The following NBEAL1 variants were observed in gnomAD, a reference collection of about 807,000 sequenced individuals.
The protein encoded by NBEAL1 is neurobeachin-like protein 1.
In NBEAL1, 273 loss-of-function variants were observed where a neutral mutation model predicts 351.3. The observed-to-expected ratio is 0.78, with a 90% confidence interval of 0.70 to 0.86. The LOEUF is 0.86. Among genes scored for constraint, NBEAL1 ranks in the 40% least tolerant of loss-of-function variants. The pLI is 0.00. For synonymous variants in NBEAL1, 1,050 were observed against 1,086.4 expected (o/e 0.97, Z 0.66); for missense variants, 2,961 against 3,201.3 (o/e 0.92, Z 1.81).
intron 6 of NBEAL1, among the ~76,000 whole-genome samples, chr2:203,064,555 C>G (rs886752106): frequency 6.6e-6 from 1 of 152,084 alleles, no homozygotes; most frequent in Non-Finnish European, 1.5e-5. Context: ...ATGTGTTATT[C>G]CAGCCAAGCA....
intron 55 of NBEAL1, 133 bp from the exon 56 acceptor site, chr2:203,217,120 G>A: frequency 3.4e-6 from 2 of 587,622 alleles, no homozygotes; most frequent in East Asian, 7.0e-5. Context: ...CTCTATTATT[G>A]ATAACCTTTA....
At chr2:203,203,578 G>A (rs1252730527) in intron 51 of NBEAL1, among the ~76,000 whole-genome samples, 1 of 152,036 alleles carries the variant, frequency 6.6e-6, no homozygotes, top group Non-Finnish European at 1.5e-5. Context: ...GCTGAGCGTG[G>A]GACATGCTTG....
chr2:203,213,785 C>A, intron 55 of NBEAL1, 132 bp downstream of exon 55: 1 of 1,510,794 alleles, frequency 6.6e-7, no homozygotes, highest in Non-Finnish European at 8.8e-7. Flanking sequence ...TTTCAAAAGG[C>A]AGTAAATAAA....
chr2:203,147,039 A>G (rs1057129210), intron 33 of NBEAL1, among the ~76,000 whole-genome samples: 1 of 152,096 alleles, frequency 6.6e-6, no homozygotes, highest in Non-Finnish European at 1.5e-5. Context: ...AACCTTTACA[A>G]AAATCCTACC....
chr2:203,136,083 T>G lies in NBEAL1; in HGVS notation c.4220T>G (p.Ile1407Ser), dbSNP rs769197371. Residue 1407 changes from isoleucine to serine, a missense_variant, in exon 28 of 56, where the codon ATT becomes AGT. Coordinates refer to ENST00000683969, the MANE Select transcript of NBEAL1 (RefSeq NM_001378026.1). ...PSHLSLDLSG[I>S]DSCEMSDSGS... ...CATTTGAGTTTAGACCTCAGTGGAA[T>G]TGACTCATGTGAAATGAGTGATAGT... 2 of 1,613,974 alleles carry G rather than the reference T, an allele frequency of 1.2e-6. No individual in the cohort carries two copies. The highest frequency in any genetic ancestry group is 2.7e-5 in the African/African-American group (2 of 74,914).
chr2:203,059,900 A>G (rs961993712), intron 6 of NBEAL1, among the ~76,000 whole-genome samples: 18 of 152,172 alleles, frequency 1.2e-4, no homozygotes, highest in African/African-American at 3.9e-4. Flanking sequence ...TGTAGCCTTT[A>G]TACTCATTAG....
intron 9 of NBEAL1, among the ~76,000 whole-genome samples, chr2:203,084,022 T>TGTGTGTGTGTGTG (rs2061921121): frequency 9.4e-6 from 1 of 106,522 alleles, no homozygotes; most frequent in Non-Finnish European, 1.9e-5. Context: ...GTGTGTGTGT[T>TGTGTGTGTGTGTG]TCTCTTCCCT....
chr2:203,172,721 T>C lies in NBEAL1; in HGVS notation c.6199-8T>C. ...GAATGTCTAAATTGTAAATTATGGC[T>C]CTTTTAGTTTCCCTGGATTTTACAA... On this transcript the variant is annotated splice_polypyrimidine_tract_variant and splice_region_variant and intron_variant, in intron 40 of 55. Transcript: ENST00000683969. 6.2e-7 allele frequency: 1 copy of C among 1,602,586 alleles called. No individual in the cohort carries two copies. Among genetic ancestry groups the C allele is most frequent in the Non-Finnish European group, 8.5e-7 (1 of 1,175,354 alleles).
At chr2:203,215,492 A>G (rs1459434323) in intron 55 of NBEAL1, among the ~76,000 whole-genome samples, 2 of 151,838 alleles carry the variant, frequency 1.3e-5, no homozygotes, top group Non-Finnish European at 2.9e-5. Context: ...CTGGTGACAG[A>G]CCAAGACTCC....
intron 36 of NBEAL1, among the ~76,000 whole-genome samples, chr2:203,163,049 C>G (rs1160218714): frequency 1.3e-5 from 2 of 152,168 alleles, no homozygotes; most frequent in African/African-American, 4.8e-5. Context: ...CCCAGCTACT[C>G]AGAAGGCTGA....
In NBEAL1 at chr2:203,157,758, A is replaced by G. The variant is rs1482203965; in HGVS notation, c.5647A>G (p.Lys1883Glu). The change falls in exon 36 of 56, where the codon AAA becomes GAA. Residue 1883 changes from lysine to glutamate, a missense_variant. Physicochemically the swap from Lys to Glu is moderately conservative, Grantham distance 56. Transcript: ENST00000683969. The part of the protein sequence containing the change: ...TLLLEVVKQV[K>E]VSDMVEDKLD... ...GCTTTTGGAAGTAGTGAAACAAGTA[A>G]AAGTTAGTGATATGGTGGAGGATAA... is the stretch of plus-strand genomic sequence containing the variant. 1 of 1,597,302 alleles carries G rather than the reference A, an allele frequency of 6.3e-7. No homozygotes were observed. The highest frequency in any genetic ancestry group is 8.5e-7 in the Non-Finnish European group (1 of 1,172,316).
intron 10 of NBEAL1, among the ~76,000 whole-genome samples, chr2:203,094,947 C>T (rs2106197369): frequency 6.6e-6 from 1 of 152,148 alleles, no homozygotes. Context: ...CATGGTGAAA[C>T]CCCATCTCTA....
At chr2:203,192,362 T>C (rs1559053214) in intron 46 of NBEAL1, among the ~76,000 whole-genome samples, 2 of 151,898 alleles carry the variant, frequency 1.3e-5, no homozygotes, top group Non-Finnish European at 2.9e-5. Context: ...TGAAATAAAG[T>C]GAATAATATT....
At chr2:203,159,150 G>A (rs2063879729) in intron 36 of NBEAL1, among the ~76,000 whole-genome samples, 1 of 151,996 alleles carries the variant, frequency 6.6e-6, no homozygotes, top group South Asian at 2.1e-4. Flanking sequence ...TAATAAGGAA[G>A]GTCTGATTGC....
At chr2:203,165,345 A>G (rs1201617085) in intron 36 of NBEAL1, among the ~76,000 whole-genome samples, 1 of 152,218 alleles carries the variant, frequency 6.6e-6, no homozygotes, top group Non-Finnish European at 1.5e-5. Flanking sequence ...GGGGAATGCT[A>G]TGATGGTAAT....
chr2:203,166,914 T>C (rs556643513), intron 37 of NBEAL1, among the ~76,000 whole-genome samples: 2 of 152,190 alleles, frequency 1.3e-5, no homozygotes, highest in African/African-American at 4.8e-5. Context: ...AGGCTTCTCA[T>C]GTCATCCTTT....
chr2:203,049,400 A>C (rs917820287), intron 3 of NBEAL1, among the ~76,000 whole-genome samples: 3 of 152,144 alleles, frequency 2.0e-5, no homozygotes, highest in Non-Finnish European at 4.4e-5. Context: ...CTTCATTTTT[A>C]CTTTACAGTT....
intron 12 of NBEAL1, among the ~76,000 whole-genome samples, chr2:203,102,356 A>G (rs193248850): frequency 7.9e-5 from 12 of 152,088 alleles, no homozygotes; most frequent in African/African-American, 2.9e-4. Context: ...GTTGAATGGG[A>G]GTAGTGAGAG....
At chr2:203,031,628 C>G (rs149486710) in intron 2 of NBEAL1, among the ~76,000 whole-genome samples, 1 of 152,044 alleles carries the variant, frequency 6.6e-6, no homozygotes, top group South Asian at 2.1e-4. Context: ...TGTTAAGAAT[C>G]TTAGAATCAT....
Sources: gnomAD v4.1 joint callset for allele counts (sites outside exome capture counted in the v4.1 genomes callset) on GRCh38, gnomAD v4.1.1 for gene constraint, MANE v1.5 for transcripts, NCBI Gene and HGNC (gene_info 2026-07-23, HGNC 2026-07-21) for gene names.